The following GRB10 variants were observed in gnomAD, a reference collection of about 807,000 sequenced individuals.
GRB10 encodes growth factor receptor-bound protein 10.
Under a neutral mutation model 80.9 loss-of-function variants are expected in GRB10, and 20 were observed. The observed-to-expected ratio is 0.25, with a 90% CI of 0.17 to 0.36. The LOEUF (loss-of-function observed/expected upper bound fraction) is 0.36. Ranked by LOEUF, GRB10 falls within the 10% of genes least tolerant of loss-of-function variation. The pLI, the probability that GRB10 is intolerant of heterozygous loss-of-function variation, is 1.00. For missense variants in GRB10, 548 were observed against 747.7 expected (o/e 0.73, Z 3.12); for synonymous variants, 291 against 291.5 (o/e 1.00, Z 0.02).
At chr7:50,646,614 C>T (rs1162613861) in intron 7 of GRB10, among the ~76,000 whole-genome samples, 1 of 152,146 alleles carries the variant, frequency 6.6e-6, no homozygotes, top group Non-Finnish European at 1.5e-5. Context: ...TTACTCCTGA[C>T]TCTGAATCCT....
At chr7:50,769,567 G>A (rs955911704) in intron 2 of GRB10, among the ~76,000 whole-genome samples, 12 of 152,146 alleles carry the variant, frequency 7.9e-5, no homozygotes, top group Non-Finnish European at 1.6e-4. Flanking sequence ...GTCAGCTCAT[G>A]GCCAGTTTTG....
chr7:50,642,315 C>T (rs1316593514), intron 7 of GRB10, among the ~76,000 whole-genome samples: 1 of 151,890 alleles, frequency 6.6e-6, no homozygotes, highest in Non-Finnish European at 1.5e-5. Flanking sequence ...CACACACACA[C>T]ATACAAACAC....
chr7:50,619,251 C>T lies in GRB10; in HGVS notation c.696G>A (p.Gln232=). The change falls in exon 9 of 19, where the codon CAG becomes CAA. Residue 232 remains glutamine, a synonymous_variant. Transcript: ENST00000401949. ...TCTCACTGGCCATGGTACTCTCCACCTGGACCACCAGCTCATGGTCTTCCA... is the reference window on the plus strand; with the variant it reads ...TCTCACTGGCCATGGTACTCTCCACTTGGACCACCAGCTCATGGTCTTCCA... The part of the protein sequence containing the change: ...RCLEDHELVV[Q]VESTMASESK... 1 of 1,613,298 alleles carries T rather than the reference C, an allele frequency of 6.2e-7. No homozygotes were observed. Among genetic ancestry groups the T allele is most frequent in the South Asian group, 1.1e-5 (1 of 91,076 alleles).
chr7:50,786,454 G>T (rs2078698068), upstream of GRB10, among the ~76,000 whole-genome samples: 1 of 151,568 alleles, frequency 6.6e-6, no homozygotes, highest in Non-Finnish European at 1.5e-5. Context: ...AAGGCACAGA[G>T]AATATCCTAC....
At chr7:50,639,932 G>A (rs1432745181) in intron 7 of GRB10, among the ~76,000 whole-genome samples, 1 of 152,100 alleles carries the variant, frequency 6.6e-6, no homozygotes, top group Non-Finnish European at 1.5e-5. Flanking sequence ...GAATCATTTT[G>A]TCAAAAATAA....
chr7:50,613,417 G>T (rs1284327764), intron 12 of GRB10, among the ~76,000 whole-genome samples: 1 of 152,142 alleles, frequency 6.6e-6, no homozygotes, highest in African/African-American at 2.4e-5. Context: ...GACAGAAGGG[G>T]AAGTAGGCAC....
chr7:50,663,354 T>C (rs1287769459), intron 7 of GRB10, among the ~76,000 whole-genome samples: 2 of 152,204 alleles, frequency 1.3e-5, no homozygotes, highest in Non-Finnish European at 2.9e-5. Context: ...CCCTCCCATG[T>C]GTGTGCTGTA....
At chr7:50,647,575 G>C (rs73114809) in intron 7 of GRB10, among the ~76,000 whole-genome samples, 13,328 of 152,242 alleles carry the variant, frequency 0.088, 891 homozygotes, top group Non-Finnish European at 0.11. Flanking sequence ...AGGGGAGATA[G>C]ACAAAAAGCA....
intron 7 of GRB10, among the ~76,000 whole-genome samples, chr7:50,668,685 C>T (rs548030684): frequency 6.6e-6 from 1 of 152,352 alleles, no homozygotes; most frequent in South Asian, 2.1e-4. Flanking sequence ...CATCAGATGG[C>T]GCAGTTGTTC....
At chr7:50,767,398 T>C (rs1348629643) in intron 2 of GRB10, among the ~76,000 whole-genome samples, 2 of 152,058 alleles carry the variant, frequency 1.3e-5, no homozygotes, top group African/African-American at 2.4e-5. Flanking sequence ...CTGTGTTGTT[T>C]CCTGCCTCCA....
chr7:50,623,436 T>C (rs2052259420), intron 8 of GRB10, among the ~76,000 whole-genome samples: 1 of 152,200 alleles, frequency 6.6e-6, no homozygotes, highest in African/African-American at 2.4e-5. Flanking sequence ...CCACCTGACC[T>C]CAGTCTGCTC....
chr7:50,756,725 G>C (rs1201413311), intron 2 of GRB10, among the ~76,000 whole-genome samples: 4 of 152,166 alleles, frequency 2.6e-5, no homozygotes, highest in Non-Finnish European at 5.9e-5. Flanking sequence ...CCTACCGGAG[G>C]AGACTTTATA....
chr7:50,774,663 A>G (rs2077388555), intron 2 of GRB10, among the ~76,000 whole-genome samples: 1 of 152,204 alleles, frequency 6.6e-6, no homozygotes. Context: ...AAGGAGACAC[A>G]AACATTCAAA....
chr7:50,713,220 C>T lies in GRB10; in HGVS notation c.52-9312G>A, dbSNP rs1373325305. 2.6e-5 allele frequency among the ~76,000 whole-genome samples: 4 copies of T among 152,134 alleles called. No individual in the cohort carries two copies. The East Asian group carries it at 5.8e-4, about 22-fold the overall frequency. On this transcript the variant is annotated intron_variant, in intron 4 of 18. Transcript: ENST00000401949. ...GTGTGATCACACATGGAAAGCACGG[C>T]TCAGTAAATCTCAGCTGCTATTTTT...
chr7:50,668,785 C>G (rs1221142887), intron 7 of GRB10, among the ~76,000 whole-genome samples: 1 of 152,188 alleles, frequency 6.6e-6, no homozygotes, highest in Non-Finnish European at 1.5e-5. Context: ...GAGGAACTTT[C>G]AACCCCTTTC....
intron 6 of GRB10, among the ~76,000 whole-genome samples, chr7:50,674,143 A>AT (rs2060644840): frequency 6.6e-6 from 1 of 151,888 alleles, no homozygotes; most frequent in Non-Finnish European, 1.5e-5. Context: ...CTTTCCAGAG[A>AT]TTTTTCCTCT....
At chr7:50,681,873 G>A (rs368192718) in intron 5 of GRB10, among the ~76,000 whole-genome samples, 2 of 152,220 alleles carry the variant, frequency 1.3e-5, no homozygotes, top group Non-Finnish European at 2.9e-5. Context: ...CGCCTGGTAG[G>A]AGTTTAATTT....
chr7:50,648,916 G>A (rs1421705809), intron 7 of GRB10, among the ~76,000 whole-genome samples: 1 of 152,188 alleles, frequency 6.6e-6, no homozygotes, highest in African/African-American at 2.4e-5. Context: ...GGTCGGGCTA[G>A]CTCCTGATGG....
At chr7:50,666,712 T>C (rs986864818) in intron 7 of GRB10, among the ~76,000 whole-genome samples, 2 of 152,018 alleles carry the variant, frequency 1.3e-5, no homozygotes, top group African/African-American at 4.8e-5. Context: ...TGATCTCTTA[T>C]CACATTACGG....
Sources: allele counts gnomAD v4.1 joint callset (sites outside exome capture counted in the v4.1 genomes callset), GRCh38; gene constraint gnomAD v4.1.1; transcripts MANE v1.5; gene names NCBI Gene and HGNC (gene_info 2026-07-23, HGNC 2026-07-21).